The following RGN variants were observed in gnomAD, a reference collection of about 807,000 sequenced individuals.
The protein encoded by RGN is regucalcin.
Under a neutral mutation model 20.6 loss-of-function variants are expected in RGN, and 19 were observed. That is an observed-to-expected ratio of 0.92 (90% CI 0.64 to 1.35). The LOEUF is 1.35. Among genes scored for constraint, RGN ranks in the 40% most tolerant of loss-of-function variants. The pLI is 0.00. For missense variants in RGN, 302 were observed against 232.7 expected, an observed-to-expected ratio of 1.30 and a Z score of -1.94; for synonymous variants, 85 against 87.2, an observed-to-expected ratio of 0.97 and a Z score of 0.14.
chrX:47,081,372 G>A (rs1175923606), intron 3 of RGN, 65 bp downstream of exon 3: 32 of 1,023,685 alleles, frequency 3.1e-5, no homozygotes, highest in South Asian at 1.0e-4. Context: ...CGGTCACCAC[G>A]GCACCCTTCT....
In RGN at chrX:47,090,755, C is replaced by T. The variant is rs1284913111; in HGVS notation, c.562+764C>T. Among the ~76,000 whole-genome samples, 7 of 106,970 alleles carry T rather than the reference C, an allele frequency of 6.5e-5. 1 individual carries two copies. The highest frequency in any genetic ancestry group is 1.0e-4 in the Admixed American group (1 of 9,656). The allele number at this position is 106,970 out of a possible 115,157, so 92.9% of individuals were successfully genotyped here. On this transcript the variant is annotated intron_variant, in intron 5 of 7. Coordinates refer to ENST00000397180, the MANE Select transcript of RGN (RefSeq NM_152869.4). Reference sequence around the variant, plus strand: ...GTTTTGCTTTGAAATATGTAGTGCTCGGGAGGCTGAAGCAGGAGAATCGCT... The same window carrying T: ...GTTTTGCTTTGAAATATGTAGTGCTTGGGAGGCTGAAGCAGGAGAATCGCT...
intron 3 of RGN, among the ~76,000 whole-genome samples, chrX:47,084,188 T>A: frequency 9.1e-6 from 1 of 110,331 alleles, no homozygotes; most frequent in Non-Finnish European, 1.9e-5. Context: ...TCCAGAGGAG[T>A]TGGGTTTTTT....
In RGN at chrX:47,089,786, T is replaced by C; in HGVS notation, c.357T>C (p.Ala119=). ...PAGRYFAGTM[A]EETAPAVLER... ...CTTTGGTTTTTGTAGGCACCATGGCTGAGGAAACAGCTCCAGCAGTTCTTG... is the reference window on the plus strand; with the variant it reads ...CTTTGGTTTTTGTAGGCACCATGGCCGAGGAAACAGCTCCAGCAGTTCTTG... Residue 119 remains alanine (A), a synonymous_variant, in exon 5 of 8, where the codon GCT becomes GCC. Coordinates refer to ENST00000397180, the MANE Select transcript of RGN (RefSeq NM_152869.4). 2 of 1,205,179 alleles carry C rather than the reference T, an allele frequency of 1.7e-6. No homozygotes were observed. The highest frequency in any genetic ancestry group is 2.2e-6 in the Non-Finnish European group (2 of 892,850).
chrX:47,086,083 A>G (rs1392881826), intron 4 of RGN, among the ~76,000 whole-genome samples: 2 of 111,935 alleles, frequency 1.8e-5, no homozygotes, highest in Non-Finnish European at 3.8e-5. Context: ...TTAAAACTGG[A>G]ACATTTTCAT....
In RGN at chrX:47,084,358, T is replaced by C. The variant is rs1263933245; in HGVS notation, c.164-60T>C. ...TAAGAGATGCCAGGTAGCACAGTGA[T>C]CTCAGTGGCCTCAGCCACTAAACTG... On this transcript the variant is annotated intron_variant, in intron 3 of 7. Transcript: ENST00000397180. The C allele has an allele frequency of 4.0e-6, 4 of 995,104 alleles. No individual in the cohort carries two copies. In the African/African-American group the frequency reaches 7.7e-5, roughly 19 times the overall value. The allele number at this position is 995,104 out of a possible 1,213,427, so 82.0% of individuals were successfully genotyped here.
chrX:47,088,623 A>G (rs1251243641), intron 4 of RGN, among the ~76,000 whole-genome samples: 1 of 110,247 alleles, frequency 9.1e-6, no homozygotes, highest in African/African-American at 3.3e-5. Flanking sequence ...GAATATTATG[A>G]GGCCCTGAGT....
chrX:47,090,898 A>AAAG (rs1212904474), intron 5 of RGN, among the ~76,000 whole-genome samples: 12 of 53,518 alleles, frequency 2.2e-4, no homozygotes, highest in Admixed American at 1.7e-3. Context: ...AAGAAGAAAG[A>AAAG]AAGAAAGAAA....
rs1222568998 is a variant in RGN at position 47,078,692 on chromosome X, G to A, written c.-653G>A. 2 of 111,215 alleles carry A rather than the reference G, an allele frequency of 1.8e-5. No homozygotes were observed. The highest frequency in any genetic ancestry group is 3.8e-5 in the Non-Finnish European group (2 of 53,026). 9.2% of individuals were successfully genotyped at this position (111,215 alleles called of 1,213,427 possible). On this transcript the variant is annotated 5_prime_UTR_variant, in exon 1 of 8. Transcript: ENST00000397180. ...AGCGGCTCTACCAGATTGTTGTGGA[G>A]GCCTCTCACCCGCACAGGTACCCCG... is the stretch of plus-strand genomic sequence containing the variant.
intron 4 of RGN, chrX:47,084,898 T>C: frequency 4.2e-6 from 1 of 239,744 alleles, no homozygotes; most frequent in Non-Finnish European, 7.4e-6. Context: ...GAGGCTGCAG[T>C]GAGCCAAGAT....
At chrX:47,081,970 CAAACAAAACA>C (rs782200833) in intron 3 of RGN, among the ~76,000 whole-genome samples, 1 of 111,967 alleles carries the variant, frequency 8.9e-6, no homozygotes, top group African/African-American at 3.2e-5. Context: ...CCTTAATTTT[CAAACAAAACA>C]AAACAAAACA....
At chrX:47,088,789 G>T (rs1450979952) in intron 4 of RGN, among the ~76,000 whole-genome samples, 2 of 106,704 alleles carry the variant, frequency 1.9e-5, no homozygotes, top group Non-Finnish European at 3.9e-5. Context: ...AAACAAATGA[G>T]CCAGGCATGG....
At chrX:47,090,937 A>AAAG (rs1365071679) in intron 5 of RGN, among the ~76,000 whole-genome samples, 3 of 48,448 alleles carry the variant, frequency 6.2e-5, no homozygotes, top group Non-Finnish European at 1.4e-4. Flanking sequence ...AGAAAGAAAG[A>AAAG]AAGAAAGAAA....
At chrX:47,082,691 A>G (rs782410094) in intron 3 of RGN, among the ~76,000 whole-genome samples, 1 of 111,101 alleles carries the variant, frequency 9.0e-6, no homozygotes, top group Non-Finnish European at 1.9e-5. Context: ...AGTGACTGTG[A>G]CCTCTGAGGG....
rs202231318 is a variant in RGN, at chrX:47,084,540, G to A, written c.286G>A (p.Asp96Asn). ...SAVVLATVDN[D>N]KKNNRFNDGK... is the part of the protein sequence containing the mutation. ...AGTTGTCTTGGCCACGGTGGATAACGACAAGAAAAACAATCGCTTCAATGA... is the reference window on the plus strand; with the variant it reads ...AGTTGTCTTGGCCACGGTGGATAACAACAAGAAAAACAATCGCTTCAATGA... The change falls in exon 4 of 8, where the codon GAC becomes AAC. Residue 96 changes from aspartate to asparagine, a missense_variant. By Grantham distance (23) the Asp-to-Asn change is conservative (BLOSUM62 1). Coordinates refer to ENST00000397180, the MANE Select transcript of RGN (RefSeq NM_152869.4). 4.2e-5 allele frequency: 50 copies of A among 1,201,506 alleles called. No individual in the cohort carries two copies. Among genetic ancestry groups the A allele is most frequent in the Non-Finnish European group, 5.4e-5 (48 of 890,284 alleles).
intron 4 of RGN, among the ~76,000 whole-genome samples, chrX:47,088,398 G>T (rs1930700951): frequency 9.1e-6 from 1 of 110,266 alleles, no homozygotes; most frequent in East Asian, 2.9e-4. Context: ...AAACCCAACT[G>T]CCCTAGAGCA....
rs1930490714 is a variant in RGN, at chrX:47,084,446, C to G, written c.192C>G (p.Arg64=). The G allele has an allele frequency of 8.3e-7, 1 of 1,202,630 alleles. No homozygotes were observed. Among genetic ancestry groups the G allele is most frequent in the African/African-American group, 1.8e-5 (1 of 57,101 alleles). ...MDAPVSSVAL[R]QSGGYVATIG... is the part of the protein sequence containing the mutation. ...CCCCAGTCAGCTCCGTGGCTCTTCG[C>G]CAGTCGGGAGGCTATGTTGCCACCA... The change falls in exon 4 of 8, where the codon CGC becomes CGG. Residue 64 remains arginine (R), a synonymous_variant. Coordinates refer to ENST00000397180, the MANE Select transcript of RGN (RefSeq NM_152869.4).
chrX:47,091,976 C>CA, intron 6 of RGN, 85 bp from the exon 7 acceptor site: 1 of 979,828 alleles, frequency 1.0e-6, no homozygotes, highest in Non-Finnish European at 1.4e-6. Flanking sequence ...CTGACCTCCA[C>CA]AGTCTTCTTA....
rs1215516462 is a variant in RGN at position 47,093,072 on chromosome X, T to C, written c.*125T>C. On this transcript the variant is annotated 3_prime_UTR_variant, in exon 8 of 8. Coordinates refer to ENST00000397180, the MANE Select transcript of RGN (RefSeq NM_152869.4). ...TTTATTAACAGCGTTAAGTTTTAAT[T>C]TACAACTTTTAAAAGGCAGAGCATT... is the stretch of plus-strand genomic sequence containing the variant. 5.6e-6 allele frequency: 3 copies of C among 536,226 alleles called. No individual in the cohort carries two copies. The Admixed American group carries it at 1.2e-4, about 22-fold the overall frequency. The allele number at this position is 536,226 out of a possible 1,213,427, so 44.2% of individuals were successfully genotyped here.
chrX:47,088,484 A>G lies in RGN; in HGVS notation c.347-1292A>G, dbSNP rs148491669. 1.8e-3 allele frequency among the ~76,000 whole-genome samples: 198 copies of G among 110,763 alleles called. 1 individual carries two copies. The highest frequency in any genetic ancestry group is 0.014 in the Middle Eastern group (3 of 217). On this transcript the variant is annotated intron_variant, in intron 4 of 7. Coordinates refer to ENST00000397180, the MANE Select transcript of RGN (RefSeq NM_152869.4). Reference sequence around the variant, plus strand: ...GTCTTGCTTGCTATTCAGGCTTCCCATCTACATTGTCTCTGGCATCTGTGC... The same window carrying G: ...GTCTTGCTTGCTATTCAGGCTTCCCGTCTACATTGTCTCTGGCATCTGTGC...
Sources: gnomAD v4.1 joint callset for allele counts (sites outside exome capture counted in the v4.1 genomes callset) on GRCh38, gnomAD v4.1.1 for gene constraint, MANE v1.5 for transcripts, NCBI Gene and HGNC (gene_info 2026-07-23, HGNC 2026-07-21) for gene names.